The following KIF6 variants were observed in gnomAD, a reference collection of about 807,000 sequenced individuals.
The protein encoded by KIF6 is kinesin-like protein KIF6.
KIF6 carries 106 observed loss-of-function variants against 112.7 expected under a neutral mutation model. That is an observed-to-expected ratio of 0.94 (90% CI 0.80 to 1.11). KIF6 has a LOEUF of 1.11. Among genes scored for constraint, KIF6 ranks in the 50% least tolerant of loss-of-function variants. The probability of loss-of-function intolerance (pLI) is 0.00; values close to 1 mark genes in which losing one functional copy is unlikely to be tolerated. For synonymous variants in KIF6, 339 were observed against 339.9 expected (o/e 1.00, Z 0.03); for missense variants, 929 against 964.0 (o/e 0.96, Z 0.48).
chr6:39,540,307 A>T, intron 12 of KIF6, 86 bp from the exon 13 acceptor site: 1 of 867,146 alleles, frequency 1.2e-6, no homozygotes, highest in East Asian at 2.4e-5. Context: ...AATGTTCCTA[A>T]CATTTGCTAT....
chr6:39,533,112 G>C lies in KIF6; in HGVS notation c.1645+6891C>G, dbSNP rs184865309. ...GAAGACGGGTGATTTCTGCATTTCT[G>C]TCTAAGGTACTGGGTTCATCTCACT... On this transcript the variant is annotated intron_variant, in intron 13 of 22. Transcript: ENST00000287152. 3.8e-4 allele frequency among the ~76,000 whole-genome samples: 58 copies of C among 152,328 alleles called. 2 individuals carry two copies. The highest frequency in any genetic ancestry group is 1.8e-4 in the Non-Finnish European group (12 of 68,030).
At position 39,337,155 on chromosome 6, in the gene KIF6, T is replaced by TTTTCCTTCCTTCCTTTC. The variant is rs1554195029; in HGVS notation, c.2429-608_2429-607insGAAAGGAAGGAAGGAAA. 9.8e-3 allele frequency among the ~76,000 whole-genome samples: 528 copies of TTTTCCTTCCTTCCTTTC among 53,690 alleles called. 40 individuals are homozygous for TTTTCCTTCCTTCCTTTC. Among genetic ancestry groups the TTTTCCTTCCTTCCTTTC allele is most frequent in the East Asian group, 0.025 (52 of 2,108 alleles). 35.2% of individuals were successfully genotyped at this position (53,690 alleles called of 152,430 possible). ...TCCTTCCTTCCTTCCTTTCTCTTTC[T>TTTTCCTTCCTTCCTTTC]TTTCTTTCTTTCCTTCCTTCTTTCT... On this transcript the variant is annotated intron_variant, in intron 22 of 22. Coordinates refer to ENST00000287152, the MANE Select transcript of KIF6 (RefSeq NM_145027.6).
At chr6:39,643,798 G>C (rs932804828) in intron 3 of KIF6, among the ~76,000 whole-genome samples, 1 of 151,984 alleles carries the variant, frequency 6.6e-6, no homozygotes, top group African/African-American at 2.4e-5. Flanking sequence ...AAAGCACAAA[G>C]AGCCAAAGGA....
At chr6:39,432,601 G>C (rs934778703) in intron 13 of KIF6, among the ~76,000 whole-genome samples, 1 of 152,168 alleles carries the variant, frequency 6.6e-6, no homozygotes, top group Non-Finnish European at 1.5e-5. Flanking sequence ...GCACGACTCA[G>C]CTTTGTCTCC....
intron 13 of KIF6, among the ~76,000 whole-genome samples, chr6:39,495,340 T>A (rs1775722397): frequency 6.6e-6 from 1 of 152,168 alleles, no homozygotes; most frequent in Non-Finnish European, 1.5e-5. Context: ...CGCGTGTCCC[T>A]GGAAGAGGAA....
At chr6:39,418,311 C>T (rs978649876) in intron 15 of KIF6, among the ~76,000 whole-genome samples, 12 of 152,106 alleles carry the variant, frequency 7.9e-5, no homozygotes, top group East Asian at 1.9e-4. Flanking sequence ...GATGACCTTA[C>T]GGACCCCTTC....
chr6:39,613,538 C>G (rs1162221512), intron 5 of KIF6, among the ~76,000 whole-genome samples: 5 of 152,122 alleles, frequency 3.3e-5, no homozygotes, highest in African/African-American at 4.8e-5. Context: ...ATTACAAGCT[C>G]CTGATTTAAA....
At chr6:39,506,786 C>T (rs1717297366) in intron 13 of KIF6, among the ~76,000 whole-genome samples, 2 of 152,120 alleles carry the variant, frequency 1.3e-5, no homozygotes, top group East Asian at 1.9e-4. Context: ...CCAGAAAGAG[C>T]AGGCCATGAT....
intron 13 of KIF6, among the ~76,000 whole-genome samples, chr6:39,444,635 C>T (rs1400536731): frequency 1.3e-5 from 2 of 152,126 alleles, no homozygotes; most frequent in Non-Finnish European, 2.9e-5. Flanking sequence ...GGGCTCTATA[C>T]CTCCTCATTT....
At chr6:39,416,232 T>C (rs1769909754) in intron 15 of KIF6, among the ~76,000 whole-genome samples, 1 of 152,250 alleles carries the variant, frequency 6.6e-6, no homozygotes, top group African/African-American at 2.4e-5. Flanking sequence ...ACAGTGATGA[T>C]GTAAAAAAAC....
chr6:39,702,856 C>T (rs1788946945), intron 3 of KIF6, among the ~76,000 whole-genome samples: 1 of 150,142 alleles, frequency 6.7e-6, no homozygotes, highest in Non-Finnish European at 1.5e-5. Flanking sequence ...AACGGCTACA[C>T]TGAATGAAGA....
chr6:39,391,469 G>T (rs537068519), intron 15 of KIF6, among the ~76,000 whole-genome samples: 1 of 152,294 alleles, frequency 6.6e-6, no homozygotes, highest in African/African-American at 2.4e-5. Flanking sequence ...CCCCTCTCCA[G>T]CTGCTAAGCC....
At position 39,676,303 on chromosome 6, in the gene KIF6, A is replaced by G. The variant is rs1186067331; in HGVS notation, c.252-36546T>C. On this transcript the variant is annotated intron_variant, in intron 3 of 22. Transcript: ENST00000287152. ...AGCAGACTTCTCAAAAGCAAAAGCT[A>G]AAGAGTGATGGAATCGTTATCTTCA... Among the ~76,000 whole-genome samples the G allele has an allele frequency of 4.1e-5, 3 of 73,590 alleles. No homozygotes were observed. The East Asian group carries it at 1.7e-3, about 40-fold the overall frequency. 48.3% of individuals were successfully genotyped at this position (73,590 alleles called of 152,430 possible).
intron 7 of KIF6, among the ~76,000 whole-genome samples, chr6:39,590,922 A>T (rs1250626221): frequency 2.0e-5 from 3 of 152,218 alleles, no homozygotes; most frequent in Non-Finnish European, 4.4e-5. Context: ...ACTATCAAGG[A>T]CTTAGTTTTT....
intron 13 of KIF6, among the ~76,000 whole-genome samples, chr6:39,462,499 A>C (rs775149107): frequency 1.3e-5 from 2 of 152,202 alleles, no homozygotes; most frequent in Non-Finnish European, 2.9e-5. Flanking sequence ...CTTATAACTT[A>C]AGTCATTAAT....
intron 15 of KIF6, among the ~76,000 whole-genome samples, chr6:39,393,280 T>C (rs553658396): frequency 2.8e-4 from 43 of 152,338 alleles, no homozygotes; most frequent in African/African-American, 1.0e-3. Context: ...GGTGAGTGCG[T>C]GGACTCTGGA....
chr6:39,416,790 C>T (rs1219271820), intron 15 of KIF6, among the ~76,000 whole-genome samples: 1 of 152,186 alleles, frequency 6.6e-6, no homozygotes, highest in Non-Finnish European at 1.5e-5. Context: ...AACAAACTAC[C>T]CGAGGAGACA....
chr6:39,611,038 G>T (rs1783186008), intron 6 of KIF6, among the ~76,000 whole-genome samples: 1 of 152,202 alleles, frequency 6.6e-6, no homozygotes, highest in Admixed American at 6.5e-5. Flanking sequence ...TGGGCGCGGT[G>T]GCTCACACCT....
rs114933173 is a variant in KIF6, at chr6:39,688,536, G to T, written c.251+26156C>A. 9.8e-3 allele frequency among the ~76,000 whole-genome samples: 1,483 copies of T among 152,016 alleles called. 28 individuals carry two copies. The highest frequency in any genetic ancestry group is 0.034 in the African/African-American group (1,398 of 41,458). Reference sequence around the variant, plus strand: ...TTTTCATTTGATAGATATCGGCCAGGAACTCATTGTTTATTCAATATATTG... The same window carrying T: ...TTTTCATTTGATAGATATCGGCCAGTAACTCATTGTTTATTCAATATATTG... On this transcript the variant is annotated intron_variant, in intron 3 of 22. Transcript: ENST00000287152.
Sources: gnomAD v4.1 joint callset for allele counts (sites outside exome capture counted in the v4.1 genomes callset) on GRCh38, gnomAD v4.1.1 for gene constraint, MANE v1.5 for transcripts, NCBI Gene and HGNC (gene_info 2026-07-23, HGNC 2026-07-21) for gene names.